The following NOL4L variants were observed in gnomAD, a reference collection of about 807,000 sequenced individuals.
NOL4L encodes nucleolar protein 4 like, also known as nucleolar protein 4-like.
A neutral mutation model predicts 64.5 loss-of-function variants in NOL4L; 7 were observed. The ratio of observed to expected loss-of-function variants is 0.11; its 90% CI spans 0.06 to 0.20. The LOEUF (loss-of-function observed/expected upper bound fraction) is 0.20, where lower values mean the gene tolerates loss of function less well. NOL4L is among the 10% of genes least tolerant of loss of function. The pLI, the probability that NOL4L is intolerant of heterozygous loss-of-function variation, is 1.00. For missense variants in NOL4L, 680 were observed against 967.1 expected (o/e 0.70, Z 3.94); for synonymous variants, 413 against 401.0 (o/e 1.03, Z -0.36).
At chr20:32,540,988 C>T (rs1277250665) in intron 1 of NOL4L, among the ~76,000 whole-genome samples, 2 of 146,642 alleles carry the variant, frequency 1.4e-5, no homozygotes, top group African/African-American at 5.1e-5. Flanking sequence ...AGTGCTGCTC[C>T]AGCCTGCCTC....
chr20:32,537,111 G>A, intron 1 of NOL4L: 4 of 985,250 alleles, frequency 4.1e-6, no homozygotes, highest in Non-Finnish European at 3.6e-6. Context: ...GGTACCATTC[G>A]ATCTTGCCAG....
In NOL4L at chr20:32,561,581, G is replaced by C. The variant is rs765133176; in HGVS notation, c.321+22989C>G. ...TTGGCTCTCATGCCGGTGGCCCTGA[G>C]AGGGGATTAACTGGGCCCTGGGGAA... On this transcript the variant is annotated intron_variant, in intron 1 of 10. Transcript: ENST00000621426. Among the ~76,000 whole-genome samples, 13 of 152,120 alleles carry C rather than the reference G, an allele frequency of 8.5e-5. 1 individual carries two copies. The highest frequency in any genetic ancestry group is 3.9e-4 in the East Asian group (2 of 5,162).
intron 4 of NOL4L, among the ~76,000 whole-genome samples, chr20:32,494,253 GAAAAAAAAAAA>G (rs566317193): frequency 5.0e-4 from 11 of 22,030 alleles, no homozygotes; most frequent in Non-Finnish European, 8.8e-4. Flanking sequence ...ATAATCTCGG[GAAAAAAAAAAA>G]AAAAAAAAAA....
At chr20:32,471,820 C>G (rs1239405396) in intron 5 of NOL4L, among the ~76,000 whole-genome samples, 1 of 152,118 alleles carries the variant, frequency 6.6e-6, no homozygotes, top group African/African-American at 2.4e-5. Context: ...TCCTCCCTCT[C>G]TCTTGCTCCC....
chr20:32,528,225 C>A (rs758460813), intron 1 of NOL4L, among the ~76,000 whole-genome samples: 1 of 152,210 alleles, frequency 6.6e-6, no homozygotes, highest in South Asian at 2.1e-4. Context: ...GCTCTTGAAT[C>A]ACACGCTGTG....
At chr20:32,484,114 G>A (rs1232243060) in intron 4 of NOL4L, among the ~76,000 whole-genome samples, 1 of 152,064 alleles carries the variant, frequency 6.6e-6, no homozygotes, top group Admixed American at 6.5e-5. Context: ...CAAATAAAGT[G>A]ACTCAGGCAC....
In NOL4L at chr20:32,456,564, A is replaced by G. The variant is rs60764419; in HGVS notation, c.842-169T>C. Among the ~76,000 whole-genome samples the G allele has an allele frequency of 7.4e-3, 1,130 of 152,276 alleles. 16 individuals are homozygous for G. The highest frequency in any genetic ancestry group is 0.025 in the African/African-American group (1,026 of 41,556). The stretch of plus-strand genomic sequence containing the variant: ...CCCAGCCCACAGCCTCAGCTGAGGC[A>G]GCCACAGGGTCCCCTCTGCCAGAAC... On this transcript the variant is annotated intron_variant, in intron 5 of 10. Transcript: ENST00000621426.
At chr20:32,477,647 C>A (rs968197552) in intron 4 of NOL4L, among the ~76,000 whole-genome samples, 2 of 152,212 alleles carry the variant, frequency 1.3e-5, no homozygotes, top group Non-Finnish European at 2.9e-5. Flanking sequence ...GACTCTGGTC[C>A]CATTGCGCAC....
chr20:32,530,734 C>A (rs926638319), intron 1 of NOL4L, among the ~76,000 whole-genome samples: 1 of 151,992 alleles, frequency 6.6e-6, no homozygotes, highest in African/African-American at 2.4e-5. Context: ...CCAGCCTGAC[C>A]AACATGGAGA....
At chr20:32,488,877 TTCTTTC>T (rs1568649546) in intron 4 of NOL4L, among the ~76,000 whole-genome samples, 12 of 103,520 alleles carry the variant, frequency 1.2e-4, no homozygotes, top group African/African-American at 6.0e-5. Context: ...CTTTCTTTCT[TTCTTTC>T]TTTCTTTCTT....
chr20:32,528,020 G>T (rs2145581643), intron 1 of NOL4L, 107 bp from the exon 2 acceptor site: 2 of 925,428 alleles, frequency 2.2e-6, no homozygotes, highest in Non-Finnish European at 3.0e-6. Context: ...CTCCGACAGT[G>T]GGTCTTGGGG....
intron 1 of NOL4L, among the ~76,000 whole-genome samples, chr20:32,583,655 C>A (rs913288900): frequency 2.7e-5 from 4 of 149,974 alleles, no homozygotes; most frequent in African/African-American, 9.7e-5. Context: ...CGCCCCCCCC[C>A]CAGCCCCCAC....
At position 32,495,385 on chromosome 20, in the gene NOL4L, G is replaced by A. The variant is rs138981560; in HGVS notation, c.699+15962C>T. On this transcript the variant is annotated intron_variant, in intron 4 of 10. Transcript: ENST00000621426. ...CGAGCCCCTCTCCTTGACTATCTTC[G>A]GCACCGCAAGCCAAAGCTCAGGGCT... Among the ~76,000 whole-genome samples, 343 of 152,238 alleles carry A rather than the reference G, an allele frequency of 2.3e-3. 1 individual carries two copies. Among genetic ancestry groups the A allele is most frequent in the African/African-American group, 8.0e-3 (332 of 41,538 alleles).
At chr20:32,576,391 G>A (rs1286792818) in intron 1 of NOL4L, among the ~76,000 whole-genome samples, 3 of 152,150 alleles carry the variant, frequency 2.0e-5, no homozygotes, top group Non-Finnish European at 4.4e-5. Context: ...GGATTGGGAG[G>A]GAGAGGAGGT....
intron 4 of NOL4L, chr20:32,483,486 G>T (rs1035182097): frequency 4.5e-5 from 44 of 987,398 alleles, no homozygotes; most frequent in Non-Finnish European, 9.6e-6. Context: ...CCGGGGAGAG[G>T]GGCTGGCACC....
chr20:32,553,993 C>T (rs1246343077), intron 1 of NOL4L, among the ~76,000 whole-genome samples: 2 of 152,132 alleles, frequency 1.3e-5, no homozygotes, highest in East Asian at 3.9e-4. Flanking sequence ...TCTAAACTGA[C>T]CCTACAATAA....
intron 4 of NOL4L, among the ~76,000 whole-genome samples, chr20:32,505,322 C>A (rs1006532771): frequency 8.5e-5 from 13 of 152,120 alleles, no homozygotes; most frequent in Non-Finnish European, 1.8e-4. Flanking sequence ...AAAGTGGAAA[C>A]AACCCAAATG....
At chr20:32,509,692 G>A (rs774027402) in intron 4 of NOL4L, 32 of 1,168,984 alleles carry the variant, frequency 2.7e-5, no homozygotes, top group Non-Finnish European at 3.3e-5. Flanking sequence ...ATTGACGCAA[G>A]TGAAGATACA....
rs139303061 is a variant in NOL4L, at chr20:32,511,452, G to A, written c.594C>T (p.Asn198=). The A allele has an allele frequency of 2.1e-5, 33 of 1,547,622 alleles. No individual in the cohort carries two copies. The highest frequency in any genetic ancestry group is 5.5e-5 in the African/African-American group (4 of 72,984). ...CAGAGACCAGTGGAGATGGAGGCTC[G>A]TTTTCTGGCAGAAAGAACAAAAGGA... ...FNSNGLEPKE[N]EPPSPLVSGI... Residue 198 remains asparagine, a synonymous_variant, in exon 4 of 11, where the codon AAC becomes AAT. Transcript: ENST00000621426.
Sources: gnomAD v4.1 joint callset for allele counts (sites outside exome capture counted in the v4.1 genomes callset) on GRCh38, gnomAD v4.1.1 for gene constraint, MANE v1.5 for transcripts, NCBI Gene and HGNC (gene_info 2026-07-23, HGNC 2026-07-21) for gene names.